FNDC3B: variants seen among roughly 807,000 people sequenced by gnomAD.
FNDC3B encodes fibronectin type III domain-containing protein 3B.
FNDC3B carries 12 observed loss-of-function variants against 151.5 expected under a neutral mutation model. The ratio of observed to expected loss-of-function variants is 0.08; its 90% CI spans 0.05 to 0.13. The LOEUF is 0.13. FNDC3B is among the 10% of genes least tolerant of loss of function. FNDC3B has a pLI of 1.00. For synonymous variants in FNDC3B, 528 were observed against 549.0 expected (o/e 0.96, Z 0.54); for missense variants, 1,214 against 1,505.3 (o/e 0.81, Z 3.20).
intron 15 of FNDC3B, among the ~76,000 whole-genome samples, chr3:172,336,894 C>G (rs1733001105): frequency 6.8e-6 from 1 of 147,548 alleles, no homozygotes; most frequent in African/African-American, 2.5e-5. Flanking sequence ...CAGAGCGAAA[C>G]TCCATCTCAG....
chr3:172,146,372 C>A (rs1029681989), intron 3 of FNDC3B, among the ~76,000 whole-genome samples: 21 of 152,074 alleles, frequency 1.4e-4, no homozygotes, highest in African/African-American at 4.8e-4. Context: ...TCCTTTTGCA[C>A]ATCAGAATTA....
At chr3:172,387,562 T>C (rs1735782260) in intron 25 of FNDC3B, among the ~76,000 whole-genome samples, 1 of 152,210 alleles carries the variant, frequency 6.6e-6, no homozygotes, top group Non-Finnish European at 1.5e-5. Flanking sequence ...TTAAAAACCA[T>C]CGTTTATTTT....
chr3:172,364,056 T>C (rs1174934104), intron 23 of FNDC3B, among the ~76,000 whole-genome samples: 1 of 152,234 alleles, frequency 6.6e-6, no homozygotes, highest in Admixed American at 6.5e-5. Context: ...TCTTGGAAAT[T>C]AGTTCTAGTG....
intron 23 of FNDC3B, among the ~76,000 whole-genome samples, chr3:172,371,745 C>T (rs377311824): frequency 1.3e-5 from 2 of 152,202 alleles, no homozygotes; most frequent in Admixed American, 6.5e-5. Context: ...AGTTCTTAGC[C>T]TGGACTCACC....
intron 7 of FNDC3B, among the ~76,000 whole-genome samples, chr3:172,291,695 T>G (rs1055239835): frequency 1.3e-5 from 2 of 152,216 alleles, no homozygotes; most frequent in Non-Finnish European, 2.9e-5. Flanking sequence ...GGAGATTGAC[T>G]TTCTAGTTAC....
At chr3:172,143,504 T>A (rs1353257755) in intron 3 of FNDC3B, among the ~76,000 whole-genome samples, 1 of 152,230 alleles carries the variant, frequency 6.6e-6, no homozygotes, top group Non-Finnish European at 1.5e-5. Context: ...TATTTTAGGT[T>A]ACTCGTTAAT....
At chr3:172,181,395 C>CAAAAAAAAAAAAAAAAA (rs755223783) in intron 3 of FNDC3B, among the ~76,000 whole-genome samples, 2 of 71,528 alleles carry the variant, frequency 2.8e-5, no homozygotes, top group Admixed American at 2.1e-4. Context: ...ACTCTGTCTC[C>CAAAAAAAAAAAAAAAAA]AAAAAAAAAA....
intron 1 of FNDC3B, among the ~76,000 whole-genome samples, chr3:172,098,560 T>G (rs62283792): frequency 3.0e-4 from 45 of 152,334 alleles, no homozygotes; most frequent in East Asian, 1.7e-3. Flanking sequence ...CATTCAATGT[T>G]AACACCTTTC....
At chr3:172,232,941 CTG>C (rs1726962389) in intron 4 of FNDC3B, among the ~76,000 whole-genome samples, 1 of 152,210 alleles carries the variant, frequency 6.6e-6, no homozygotes, top group East Asian at 1.9e-4. Flanking sequence ...ATGAAAAAGA[CTG>C]TTACAACAGT....
intron 23 of FNDC3B, among the ~76,000 whole-genome samples, chr3:172,371,051 A>G (rs1447198032): frequency 6.6e-6 from 1 of 152,116 alleles, no homozygotes; most frequent in East Asian, 1.9e-4. Context: ...TTCCACCATT[A>G]TAGTATCACA....
At chr3:172,091,582 T>C (rs759005846) in intron 1 of FNDC3B, among the ~76,000 whole-genome samples, 5 of 152,190 alleles carry the variant, frequency 3.3e-5, no homozygotes, top group Non-Finnish European at 7.4e-5. Context: ...TATGTGTGTA[T>C]GCATGCATGC....
chr3:172,271,782 G>A (rs962682188), intron 6 of FNDC3B, among the ~76,000 whole-genome samples: 1 of 152,210 alleles, frequency 6.6e-6, no homozygotes, highest in African/African-American at 2.4e-5. Context: ...CAGAGCAACA[G>A]GCTCTGCTTT....
At chr3:172,104,841 C>T (rs1436067394) in intron 1 of FNDC3B, among the ~76,000 whole-genome samples, 1 of 151,964 alleles carries the variant, frequency 6.6e-6, no homozygotes, top group African/African-American at 2.4e-5. Context: ...AAATTTTTTT[C>T]CTTTTGTTGA....
Position 172,174,939 on chromosome 3 carries a change from C to A in FNDC3B, c.187+41393C>A, listed in dbSNP as rs1262246605. On this transcript the variant is annotated intron_variant, in intron 3 of 25. Transcript: ENST00000415807. ...TGGAGACCTTCCCCCCGCCACCCCC[C>A]CCCCCCCAATACAATTTGCTGTCCA... Among the ~76,000 whole-genome samples the A allele has an allele frequency of 8.4e-5, 5 of 59,794 alleles. 1 individual carries two copies. Among genetic ancestry groups the A allele is most frequent in the South Asian group, 1.0e-3 (1 of 960 alleles). The allele number at this position is 59,794 out of a possible 152,430, so 39.2% of individuals were successfully genotyped here.
chr3:172,149,482 T>G (rs990906293), intron 3 of FNDC3B, among the ~76,000 whole-genome samples: 1 of 152,182 alleles, frequency 6.6e-6, no homozygotes, highest in African/African-American at 2.4e-5. Flanking sequence ...ACCCCTTTTC[T>G]CTTTTCTTTC....
intron 4 of FNDC3B, among the ~76,000 whole-genome samples, chr3:172,233,782 T>A (rs113609250): frequency 6.6e-6 from 1 of 152,174 alleles, no homozygotes; most frequent in East Asian, 1.9e-4. Flanking sequence ...ATAAGGAGAA[T>A]TGGATTCTCT....
At chr3:172,109,460 C>T (rs1010105488) in intron 1 of FNDC3B, among the ~76,000 whole-genome samples, 15 of 152,264 alleles carry the variant, frequency 9.9e-5, no homozygotes, top group Middle Eastern at 3.4e-3. Flanking sequence ...GCCCCGCGCC[C>T]GGCCGAAGGC....
chr3:172,205,051 T>C (rs941586408), intron 3 of FNDC3B, among the ~76,000 whole-genome samples: 3 of 152,230 alleles, frequency 2.0e-5, no homozygotes, highest in African/African-American at 4.8e-5. Context: ...TGTGTAGTTC[T>C]CTGCAGCAGT....
At chr3:172,375,578 C>A (rs774949152) in intron 23 of FNDC3B, among the ~76,000 whole-genome samples, 3 of 152,150 alleles carry the variant, frequency 2.0e-5, no homozygotes, top group Admixed American at 1.3e-4. Context: ...ATTCTGAGAA[C>A]AAAATAAAAG....
Sources: allele counts gnomAD v4.1 joint callset (sites outside exome capture counted in the v4.1 genomes callset), GRCh38; gene constraint gnomAD v4.1.1; transcripts MANE v1.5; gene names NCBI Gene and HGNC (gene_info 2026-07-23, HGNC 2026-07-21).